CDH18: variants seen among roughly 807,000 people sequenced by gnomAD.
The protein encoded by CDH18 is cadherin 18.
In CDH18, 31 loss-of-function variants were observed where a neutral mutation model predicts 67.9. The observed-to-expected ratio is 0.46, with a 90% confidence interval of 0.34 to 0.62. The LOEUF is 0.62. Ranked by LOEUF, CDH18 falls within the 20% of genes least tolerant of loss-of-function variation. CDH18 has a pLI of 0.01. For synonymous variants in CDH18, 362 were observed against 347.2 expected (o/e 1.04, Z -0.48); for missense variants, 890 against 975.5 (o/e 0.91, Z 1.17).
intron 11 of CDH18, among the ~76,000 whole-genome samples, chr5:19,484,686 G>A (rs1235272009): frequency 6.6e-6 from 1 of 152,144 alleles, no homozygotes. Flanking sequence ...AATACTGATG[G>A]ACAACTTTAG....
chr5:19,473,671 G>A lies in CDH18; in HGVS notation c.1928C>T (p.Pro643Leu), dbSNP rs772356221. 9.3e-6 allele frequency: 15 copies of A among 1,613,416 alleles called. No individual in the cohort carries two copies. In the Admixed American group the frequency reaches 2.2e-4, roughly 23 times the overall value. Residue 643 changes from proline (P) to leucine (L), a missense_variant, in exon 13 of 13, where the codon CCC (proline) becomes CTC (leucine). Pro to Leu is a moderately conservative substitution (Grantham distance 98). This residue lies in a region of CDH18 where 656 missense variants were observed against 668.1 expected (regional missense o/e 0.98). Transcript: ENST00000382275. ...FITLRRSKKE[P>L]LIISEEDVRE... The stretch of plus-strand genomic sequence containing the variant: ...TACATCCTCTTCTGAAATGATCAAG[G>A]GCTCTTTTTTGCTGCGCCTCAGGGT...
intron 5 of CDH18, among the ~76,000 whole-genome samples, chr5:19,647,638 T>C (rs896298003): frequency 1.4e-5 from 2 of 145,300 alleles, no homozygotes; most frequent in South Asian, 2.5e-4. Context: ...AGTAATGTCA[T>C]CTCTGCTCCC....
chr5:20,011,819 G>C (rs1157317831), intron 2 of CDH18, among the ~76,000 whole-genome samples: 1 of 152,052 alleles, frequency 6.6e-6, no homozygotes, highest in African/African-American at 2.4e-5. Context: ...TGGTGGATGA[G>C]CCCTTTTTGA....
chr5:20,554,820 G>A lies in CDH18; in HGVS notation c.-580+20642C>T, dbSNP rs552822372. Among the ~76,000 whole-genome samples, 238 of 152,284 alleles carry A rather than the reference G, an allele frequency of 1.6e-3. 2 individuals carry two copies. Among genetic ancestry groups the A allele is most frequent in the Non-Finnish European group, 1.0e-3 (69 of 68,020 alleles). On this transcript the variant is annotated intron_variant, in intron 1 of 14. Transcript: ENST00000507958. Reference sequence around the variant, plus strand: ...GGAACACTTGAACCCTGTGCCACCAGATAAGCCACTCTACTGTTCTGAAGC... The same window carrying A: ...GGAACACTTGAACCCTGTGCCACCAAATAAGCCACTCTACTGTTCTGAAGC...
chr5:19,716,338 T>C (rs1007859282), intron 5 of CDH18, among the ~76,000 whole-genome samples: 3 of 152,106 alleles, frequency 2.0e-5, no homozygotes, highest in Non-Finnish European at 4.4e-5. Context: ...TCAACTTCTT[T>C]TGCAATAAAC....
intron 5 of CDH18, among the ~76,000 whole-genome samples, chr5:19,701,458 G>C (rs1763231036): frequency 6.6e-6 from 1 of 151,690 alleles, no homozygotes; most frequent in Admixed American, 6.6e-5. Flanking sequence ...ATAAAAACAG[G>C]AGATTTAGTC....
chr5:20,074,605 T>C (rs1688569307), intron 2 of CDH18, among the ~76,000 whole-genome samples: 1 of 152,194 alleles, frequency 6.6e-6, no homozygotes. Flanking sequence ...AATCCTTTCA[T>C]TTCTCTTTGG....
chr5:19,694,279 T>C (rs1327923631), intron 5 of CDH18, among the ~76,000 whole-genome samples: 1 of 152,300 alleles, frequency 6.6e-6, no homozygotes, highest in Non-Finnish European at 1.5e-5. Flanking sequence ...GTTTTGAGCA[T>C]TGGTTACTGA....
chr5:19,643,664 T>G (rs1018993931), intron 5 of CDH18, among the ~76,000 whole-genome samples: 1 of 152,068 alleles, frequency 6.6e-6, no homozygotes, highest in East Asian at 1.9e-4. Flanking sequence ...CGGTTACTAG[T>G]GGCTGTTCAC....
chr5:20,249,382 C>CT (rs11395247), intron 2 of CDH18, among the ~76,000 whole-genome samples: 90,286 of 129,742 alleles, frequency 0.7, 34,683 homozygotes, highest in Non-Finnish European at 0.86. Context: ...TCCTTTAAAA[C>CT]TTTTTTTTTT....
chr5:19,530,090 T>C (rs987057398), intron 9 of CDH18, among the ~76,000 whole-genome samples: 7 of 152,178 alleles, frequency 4.6e-5, no homozygotes, highest in African/African-American at 1.7e-4. Flanking sequence ...AGTATATACA[T>C]TGTCAGTGGT....
chr5:20,393,479 T>C (rs1229582716), intron 1 of CDH18, among the ~76,000 whole-genome samples: 1 of 152,008 alleles, frequency 6.6e-6, no homozygotes, highest in Non-Finnish European at 1.5e-5. Context: ...TCATTTCAAC[T>C]CACCAACTTC....
At chr5:19,754,218 A>C (rs746683479) in intron 3 of CDH18, among the ~76,000 whole-genome samples, 1 of 152,196 alleles carries the variant, frequency 6.6e-6, no homozygotes, top group Admixed American at 6.5e-5. Context: ...ACAGAACTGC[A>C]GAATGGATAA....
At chr5:19,812,779 G>T (rs942639914) in intron 3 of CDH18, among the ~76,000 whole-genome samples, 1 of 152,000 alleles carries the variant, frequency 6.6e-6, no homozygotes, top group African/African-American at 2.4e-5. Flanking sequence ...CAAGGATCTA[G>T]AACCAGAAAT....
At chr5:20,036,222 C>T (rs993900181) in intron 2 of CDH18, among the ~76,000 whole-genome samples, 3 of 151,966 alleles carry the variant, frequency 2.0e-5, no homozygotes, top group Admixed American at 2.0e-4. Context: ...TAACAGCTTA[C>T]ATGTCAAACA....
At chr5:20,205,723 C>A (rs975785441) in intron 2 of CDH18, among the ~76,000 whole-genome samples, 1 of 151,736 alleles carries the variant, frequency 6.6e-6, no homozygotes, top group African/African-American at 2.4e-5. Context: ...TCAGAAACTA[C>A]ACAAACACAT....
At chr5:19,975,419 A>G (rs1430829264) in intron 2 of CDH18, among the ~76,000 whole-genome samples, 2 of 152,160 alleles carry the variant, frequency 1.3e-5, no homozygotes, top group Admixed American at 6.6e-5. Flanking sequence ...AGTATGAAGA[A>G]AAGTAAATGA....
intron 1 of CDH18, among the ~76,000 whole-genome samples, chr5:20,574,220 T>G (rs1176100773): frequency 5.3e-5 from 8 of 151,850 alleles, no homozygotes; most frequent in African/African-American, 1.9e-4. Context: ...TAAATATGCA[T>G]TTTTAATTAA....
intron 3 of CDH18, among the ~76,000 whole-genome samples, chr5:19,772,075 T>C (rs903717906): frequency 1.3e-5 from 2 of 152,180 alleles, no homozygotes; most frequent in African/African-American, 4.8e-5. Context: ...TTCTCTAAGA[T>C]GATCGAACAC....
Sources: gnomAD v4.1 joint callset for allele counts (sites outside exome capture counted in the v4.1 genomes callset) on GRCh38, gnomAD v4.1.1 for gene constraint, gnomAD v4.1.1 regional missense constraint, MANE v1.5 for transcripts, NCBI Gene and HGNC (gene_info 2026-07-23, HGNC 2026-07-21) for gene names.